Variants in EPHX2 observed in about 807,000 individuals in gnomAD.
EPHX2 encodes bifunctional epoxide hydrolase 2.
A neutral mutation model predicts 78.7 loss-of-function variants in EPHX2; 74 were observed. The ratio of observed to expected loss-of-function variants is 0.94; its 90% CI spans 0.78 to 1.14. The LOEUF (loss-of-function observed/expected upper bound fraction) is 1.14, where lower values mean the gene tolerates loss of function less well. Ranked by LOEUF, EPHX2 falls within the 50% of genes most tolerant of loss-of-function variation. The pLI is 0.00. For missense variants in EPHX2, 715 were observed against 702.5 expected, an observed-to-expected ratio of 1.02 and a Z score of -0.20; for synonymous variants, 251 against 255.2, an observed-to-expected ratio of 0.98 and a Z score of 0.16.
chr8:27,501,895 T>G (rs1813815455), intron 2 of EPHX2, among the ~76,000 whole-genome samples: 1 of 151,646 alleles, frequency 6.6e-6, no homozygotes, highest in South Asian at 2.1e-4. Flanking sequence ...CTATTTACAC[T>G]TGACTTGTCT....
At chr8:27,520,442 G>A (rs1585205651) in intron 9 of EPHX2, among the ~76,000 whole-genome samples, 1 of 152,196 alleles carries the variant, frequency 6.6e-6, no homozygotes, top group East Asian at 1.9e-4. Context: ...TGCCTCCCGG[G>A]TTCAAGTGAT....
chr8:27,501,381 CTTCTTCTTCTTCT>C (rs1483059954), intron 2 of EPHX2, among the ~76,000 whole-genome samples: 14 of 113,182 alleles, frequency 1.2e-4, no homozygotes, highest in African/African-American at 3.4e-4. Context: ...TCTTCTTCTT[CTTCTTCTTCTTCT>C]TTCTTCTTTC....
chr8:27,504,257 C>T (rs1013437491), intron 3 of EPHX2, among the ~76,000 whole-genome samples: 2 of 152,130 alleles, frequency 1.3e-5, no homozygotes, highest in South Asian at 2.1e-4. Flanking sequence ...TGAAACTATT[C>T]CACCCTCTTA....
At position 27,536,592 on chromosome 8, in the gene EPHX2, G is replaced by A. The variant is rs549977410; in HGVS notation, c.1171-192G>A. Among the ~76,000 whole-genome samples, 42 of 152,294 alleles carry A rather than the reference G, an allele frequency of 2.8e-4. 1 individual carries two copies. The highest frequency in any genetic ancestry group is 2.4e-3 in the Admixed American group (37 of 15,306). ...TGCCTCCCGTGGGGAACTACAGTTA[G>A]CATCTTGTATTTTATGCTAACCTTT... On this transcript the variant is annotated intron_variant, in intron 12 of 18. Transcript: ENST00000521400.
chr8:27,543,407 C>T (rs1815474880), intron 16 of EPHX2, among the ~76,000 whole-genome samples: 1 of 152,094 alleles, frequency 6.6e-6, no homozygotes, highest in South Asian at 2.1e-4. Flanking sequence ...ACCTTGGTCG[C>T]CCCTTTTAAG....
intron 12 of EPHX2, among the ~76,000 whole-genome samples, chr8:27,526,830 GC>G (rs1814862123): frequency 6.6e-6 from 1 of 152,114 alleles, no homozygotes; most frequent in Non-Finnish European, 1.5e-5. Context: ...GCTCACTGCA[GC>G]CCCGACCTCT....
chr8:27,520,766 C>G (rs2132755661), intron 9 of EPHX2, 117 bp from the exon 10 acceptor site: 1 of 1,219,752 alleles, frequency 8.2e-7, no homozygotes, highest in African/African-American at 1.5e-5. Context: ...ATTCTGAGGC[C>G]CTGGGGGTTA....
chr8:27,542,372 C>T (rs1287193628), intron 16 of EPHX2, among the ~76,000 whole-genome samples: 1 of 152,210 alleles, frequency 6.6e-6, no homozygotes, highest in Non-Finnish European at 1.5e-5. Context: ...CTCTGATCCA[C>T]TGTGGCTTCT....
rs1220816495 is a variant in EPHX2 at position 27,505,148 on chromosome 8, T to C, written c.537+2T>C. On this transcript the variant is annotated splice_donor_variant, in intron 4 of 18. Coordinates refer to ENST00000521400, the MANE Select transcript of EPHX2 (RefSeq NM_001979.6). LOFTEE classifies it high-confidence loss of function. Reference sequence around the variant, plus strand: ...ACCCTGAAGGCCAGCCCCAGTGAGGTACGGAGACACTTCCTTATGGCAGAG... The same window carrying C: ...ACCCTGAAGGCCAGCCCCAGTGAGGCACGGAGACACTTCCTTATGGCAGAG... 2 of 1,613,776 alleles carry C rather than the reference T, an allele frequency of 1.2e-6. No homozygotes were observed. The highest frequency in any genetic ancestry group is 2.7e-5 in the African/African-American group (2 of 74,888).
At chr8:27,495,111 G>C (rs1490391845) in intron 1 of EPHX2, among the ~76,000 whole-genome samples, 2 of 152,202 alleles carry the variant, frequency 1.3e-5, no homozygotes, top group South Asian at 4.1e-4. Flanking sequence ...TTTGCACTGC[G>C]TGCAATAACT....
intron 12 of EPHX2, among the ~76,000 whole-genome samples, chr8:27,533,461 T>G (rs1815111856): frequency 6.6e-6 from 1 of 152,244 alleles, no homozygotes; most frequent in South Asian, 2.1e-4. Context: ...AGTCGGAAGA[T>G]CTCAGCTAAG....
chr8:27,537,242 A>G (rs1815243870), intron 13 of EPHX2, among the ~76,000 whole-genome samples: 1 of 152,144 alleles, frequency 6.6e-6, no homozygotes, highest in Non-Finnish European at 1.5e-5. Context: ...GTTGTTTTAT[A>G]TACAGTCAGT....
intron 9 of EPHX2, among the ~76,000 whole-genome samples, chr8:27,518,860 G>A (rs557118627): frequency 6.8e-4 from 103 of 152,154 alleles, no homozygotes; most frequent in African/African-American, 2.1e-3. Context: ...CTTGCACTCT[G>A]CTGCTTCTGA....
chr8:27,529,070 G>A (rs1814944467), intron 12 of EPHX2, among the ~76,000 whole-genome samples: 1 of 152,174 alleles, frequency 6.6e-6, no homozygotes, highest in African/African-American at 2.4e-5. Context: ...TGCTGGGTGA[G>A]CCACTGCGCC....
chr8:27,526,549 T>G (rs1814852761), intron 12 of EPHX2, among the ~76,000 whole-genome samples: 1 of 152,060 alleles, frequency 6.6e-6, no homozygotes, highest in Non-Finnish European at 1.5e-5. Flanking sequence ...GAGGGCGTAT[T>G]ACTTTGCTGG....
At chr8:27,546,805 C>T (rs533208968), downstream of EPHX2, among the ~76,000 whole-genome samples, 15 of 152,300 alleles carry the variant, frequency 9.8e-5, no homozygotes, top group South Asian at 1.2e-3. Flanking sequence ...AGGGCTGTAT[C>T]GGTCTGTTCT....
intron 12 of EPHX2, among the ~76,000 whole-genome samples, chr8:27,530,384 T>A (rs2132777029): frequency 6.6e-6 from 1 of 152,358 alleles, no homozygotes; most frequent in East Asian, 1.9e-4. Flanking sequence ...ATCAACGAGC[T>A]ACTAATAGCT....
At position 27,525,397 on chromosome 8, in the gene EPHX2, CA is replaced by C; in HGVS notation, c.1097del (p.Asn366IlefsTer36). 1.2e-6 allele frequency: 2 copies of C among 1,614,182 alleles called. No homozygotes were observed. Among genetic ancestry groups the C allele is most frequent in the Non-Finnish European group, 1.7e-6 (2 of 1,180,028 alleles). On this transcript the variant is annotated frameshift_variant, in exon 12 of 19. Coordinates refer to ENST00000521400, the MANE Select transcript of EPHX2 (RefSeq NM_001979.6). LOFTEE classifies it high-confidence loss of function. ...AGTTTGAATACTCCCTTCATACCAG[CA>C]AATCCCAACATGTCCCCTTTGGAGA... The part of the protein sequence containing the change: ...VASLNTPFIP[A>X]NPNMSPLESI...
intron 6 of EPHX2, among the ~76,000 whole-genome samples, chr8:27,514,518 AGG>A (rs1563348675): frequency 2.0e-5 from 3 of 152,196 alleles, no homozygotes; most frequent in African/African-American, 7.2e-5. Flanking sequence ...ATAACAGTCA[AGG>A]CTGGTTAGTG....
Sources: gnomAD v4.1 joint callset for allele counts (sites outside exome capture counted in the v4.1 genomes callset) on GRCh38, gnomAD v4.1.1 for gene constraint, MANE v1.5 for transcripts, NCBI Gene and HGNC (gene_info 2026-07-23, HGNC 2026-07-21) for gene names.